ARHGAP6: variants seen among roughly 807,000 people sequenced by gnomAD.
The protein encoded by ARHGAP6 is Rho GTPase activating protein 6, also known as rho GTPase-activating protein 6.
ARHGAP6 carries 16 observed loss-of-function variants against 55.7 expected under a neutral mutation model. The ratio of observed to expected loss-of-function variants is 0.29; its 90% CI spans 0.19 to 0.44. The LOEUF is 0.44. Ranked by LOEUF, ARHGAP6 falls within the 20% of genes least tolerant of loss-of-function variation. The pLI, the probability that ARHGAP6 is intolerant of heterozygous loss-of-function variation, is 1.00. For missense variants in ARHGAP6, 698 were observed against 808.9 expected (o/e 0.86, Z 1.66); for synonymous variants, 382 against 360.9 (o/e 1.06, Z -0.66).
chrX:11,383,041 T>C (rs1315244056), intron 1 of ARHGAP6, among the ~76,000 whole-genome samples: 1 of 112,235 alleles, frequency 8.9e-6, no homozygotes, highest in African/African-American at 3.2e-5. Context: ...TCCTCTTGGC[T>C]AAAATCACTT....
At chrX:11,655,373 A>C (rs767334276) in intron 1 of ARHGAP6, among the ~76,000 whole-genome samples, 20 of 112,197 alleles carry the variant, frequency 1.8e-4, no homozygotes, top group Non-Finnish European at 3.0e-4. Flanking sequence ...GTGTGGACAT[A>C]CATCTTCATT....
rs759206958 is a variant in ARHGAP6 at position 11,506,688 on chromosome X, C to T, written c.588+157553G>A. On this transcript the variant is annotated intron_variant, in intron 1 of 12. Transcript: ENST00000337414. ...AAGTCTTTGCTATTGTGAATAGTGC[C>T]GCAATAAACATACGTGTGCATGTGT... Among the ~76,000 whole-genome samples, 12 of 111,453 alleles carry T rather than the reference C, an allele frequency of 1.1e-4. No individual in the cohort carries two copies. The South Asian group carries it at 1.9e-3, about 18-fold the overall frequency.
Position 11,188,824 on chromosome X carries a change from G to C in ARHGAP6, c.981C>G (p.Leu327=), listed in dbSNP as rs1488723530. The change falls in exon 4 of 13, where the codon CTC becomes CTG. Residue 327 remains leucine, a synonymous_variant. Transcript: ENST00000337414. The part of the protein sequence containing the change: ...PFGNKRQNKE[L]SSSNSSLSST... ...AGCTGAGAGATGAGTTACTGCTTGA[G>C]AGTTCTTTGTTTTGTCTTTTATTTC... The C allele has an allele frequency of 8.3e-7, 1 of 1,210,086 alleles. No homozygotes were observed. Among genetic ancestry groups the C allele is most frequent in the Non-Finnish European group, 1.1e-6 (1 of 895,298 alleles).
intron 1 of ARHGAP6, among the ~76,000 whole-genome samples, chrX:11,414,425 G>A (rs2049724159): frequency 9.0e-6 from 1 of 110,676 alleles, no homozygotes; most frequent in Non-Finnish European, 1.9e-5. Context: ...GCTCATAGGA[G>A]ACACAAAAGC....
intron 1 of ARHGAP6, among the ~76,000 whole-genome samples, chrX:11,538,819 T>C (rs1479530073): frequency 9.3e-6 from 1 of 107,457 alleles, no homozygotes; most frequent in East Asian, 2.9e-4. Context: ...CTTTTTATTG[T>C]GGGGACCACT....
At chrX:11,441,780 C>T (rs932925322) in intron 1 of ARHGAP6, among the ~76,000 whole-genome samples, 1 of 110,438 alleles carries the variant, frequency 9.1e-6, no homozygotes, top group Non-Finnish European at 1.9e-5. Context: ...AGGTGCTACA[C>T]GAGACCTGGG....
In ARHGAP6 at chrX:11,602,856, C is replaced by T. The variant is rs1239887082; in HGVS notation, c.588+61385G>A. Among the ~76,000 whole-genome samples the T allele has an allele frequency of 2.7e-5, 3 of 112,435 alleles. No individual in the cohort carries two copies. In the East Asian group the frequency reaches 8.4e-4, roughly 31 times the overall value. On this transcript the variant is annotated intron_variant, in intron 1 of 12. Transcript: ENST00000337414. Reference sequence around the variant, plus strand: ...GGAAATCAGGGCACTTACATGCAAGCATTAGCATTAAGATCCCCACTGAGG... The same window carrying T: ...GGAAATCAGGGCACTTACATGCAAGTATTAGCATTAAGATCCCCACTGAGG...
chrX:11,535,967 C>T (rs1287255589), intron 1 of ARHGAP6, among the ~76,000 whole-genome samples: 1 of 112,159 alleles, frequency 8.9e-6, no homozygotes, highest in Non-Finnish European at 1.9e-5. Context: ...AGTTCATTCA[C>T]CATTTATTCA....
At chrX:11,513,309 G>T (rs1303147601) in intron 1 of ARHGAP6, among the ~76,000 whole-genome samples, 1 of 111,756 alleles carries the variant, frequency 8.9e-6, no homozygotes, top group East Asian at 2.8e-4. Context: ...AAACCCACAA[G>T]ATTTTGTTCT....
chrX:11,374,759 A>G (rs1453288413), intron 1 of ARHGAP6, among the ~76,000 whole-genome samples: 1 of 112,310 alleles, frequency 8.9e-6, no homozygotes, highest in East Asian at 2.8e-4. Context: ...CTGACTATCT[A>G]AATTGACTTC....
In ARHGAP6 at chrX:11,410,283, T is replaced by G. The variant is rs144599652; in HGVS notation, c.589-155576A>C. Among the ~76,000 whole-genome samples, 85 of 112,447 alleles carry G rather than the reference T, an allele frequency of 7.6e-4. 1 individual carries two copies. The highest frequency in any genetic ancestry group is 2.7e-3 in the African/African-American group (84 of 31,017). On this transcript the variant is annotated intron_variant, in intron 1 of 12. Coordinates refer to ENST00000337414, the MANE Select transcript of ARHGAP6 (RefSeq NM_013427.3). ...ATCATGTTTCCATATGATGAAATAT[T>G]ATATGGTGATAAAAAGGAATGAAGT...
chrX:11,277,895 G>C (rs190415649), intron 1 of ARHGAP6, among the ~76,000 whole-genome samples: 1 of 111,558 alleles, frequency 9.0e-6, no homozygotes, highest in Non-Finnish European at 1.9e-5. Context: ...CAGAAGAGAA[G>C]CTAAAAAGAA....
At chrX:11,145,417 G>T (rs771238840) in intron 10 of ARHGAP6, among the ~76,000 whole-genome samples, 2 of 111,806 alleles carry the variant, frequency 1.8e-5, no homozygotes, top group Non-Finnish European at 1.9e-5. Context: ...TGCCACAGCC[G>T]TAACTGAGGC....
At chrX:11,566,422 A>C (rs2051442033) in intron 1 of ARHGAP6, among the ~76,000 whole-genome samples, 1 of 112,337 alleles carries the variant, frequency 8.9e-6, no homozygotes, top group African/African-American at 3.2e-5. Flanking sequence ...CCCTACAGCT[A>C]TGCTAATACA....
intron 1 of ARHGAP6, among the ~76,000 whole-genome samples, chrX:11,288,007 C>T (rs1470313314): frequency 1.8e-5 from 2 of 112,379 alleles, no homozygotes; most frequent in African/African-American, 3.2e-5. Context: ...CCCAGAGATG[C>T]TCAGGCGAAC....
chrX:11,611,303 C>G (rs2052098790), intron 1 of ARHGAP6, among the ~76,000 whole-genome samples: 1 of 112,134 alleles, frequency 8.9e-6, no homozygotes, highest in Admixed American at 9.5e-5. Context: ...ATAAAAGACA[C>G]TTTACAAGAG....
At chrX:11,606,860 A>G (rs1179912907) in intron 1 of ARHGAP6, among the ~76,000 whole-genome samples, 1 of 111,989 alleles carries the variant, frequency 8.9e-6, no homozygotes, top group Non-Finnish European at 1.9e-5. Context: ...ACTTCACAAA[A>G]CATAAATGTT....
intron 1 of ARHGAP6, among the ~76,000 whole-genome samples, chrX:11,347,445 T>C (rs2048803615): frequency 8.9e-6 from 1 of 111,935 alleles, no homozygotes; most frequent in Admixed American, 9.5e-5. Context: ...TTCTTTTGTT[T>C]CTTCTCAAAA....
At chrX:11,205,083 G>A (rs770804701) in intron 2 of ARHGAP6, among the ~76,000 whole-genome samples, 10 of 111,486 alleles carry the variant, frequency 9.0e-5, no homozygotes, top group South Asian at 3.9e-4. Flanking sequence ...CCCTGCAGGC[G>A]AATATTTTTT....
Sources: allele counts gnomAD v4.1 joint callset (sites outside exome capture counted in the v4.1 genomes callset), GRCh38; gene constraint gnomAD v4.1.1; transcripts MANE v1.5; gene names NCBI Gene and HGNC (gene_info 2026-07-23, HGNC 2026-07-21).